The following CAMTA1 variants were observed in gnomAD, a reference collection of about 807,000 sequenced individuals.
The protein encoded by CAMTA1 is calmodulin binding transcription activator 1, also known as calmodulin-binding transcription activator 1.
In CAMTA1, 27 loss-of-function variants were observed where a neutral mutation model predicts 170.9. The observed-to-expected ratio is 0.16, with a 90% confidence interval of 0.12 to 0.22. The LOEUF (loss-of-function observed/expected upper bound fraction) is 0.22, where lower values mean the gene tolerates loss of function less well. Among genes scored for constraint, CAMTA1 ranks in the 10% least tolerant of loss-of-function variants. The pLI is 1.00. For synonymous variants in CAMTA1, 833 were observed against 891.5 expected (o/e 0.93, Z 1.17); for missense variants, 1,619 against 2,217.2 (o/e 0.73, Z 5.42).
intron 5 of CAMTA1, among the ~76,000 whole-genome samples, chr1:7,427,712 C>G (rs1407614171): frequency 6.6e-6 from 1 of 152,194 alleles, no homozygotes; most frequent in African/African-American, 2.4e-5. Flanking sequence ...AGAAAGCTCT[C>G]CCCTGGGATG....
chr1:7,514,129 A>C (rs187307467), intron 6 of CAMTA1, among the ~76,000 whole-genome samples: 76 of 152,300 alleles, frequency 5.0e-4, no homozygotes, highest in Non-Finnish European at 7.6e-4. Context: ...CTATGACAAC[A>C]TCCAAGGAAG....
intron 6 of CAMTA1, among the ~76,000 whole-genome samples, chr1:7,530,966 G>A (rs528318553): frequency 6.6e-6 from 1 of 151,816 alleles, no homozygotes; most frequent in African/African-American, 2.4e-5. Flanking sequence ...ATAGGCATCT[G>A]CCACCATGCC....
chr1:7,686,955 C>A (rs566858414), intron 11 of CAMTA1, among the ~76,000 whole-genome samples: 1 of 152,106 alleles, frequency 6.6e-6, no homozygotes, highest in South Asian at 2.1e-4. Flanking sequence ...AAGCAGCAAA[C>A]CCAAGGGGAT....
At chr1:6,865,351 G>T (rs183928770) in intron 3 of CAMTA1, among the ~76,000 whole-genome samples, 196 of 152,198 alleles carry the variant, frequency 1.3e-3, no homozygotes, top group Admixed American at 2.3e-3. Flanking sequence ...CTGGGAACCT[G>T]GGTCTGCCAG....
intron 3 of CAMTA1, among the ~76,000 whole-genome samples, chr1:6,859,223 G>A (rs1221683650): frequency 6.6e-6 from 1 of 152,050 alleles, no homozygotes; most frequent in South Asian, 2.1e-4. Flanking sequence ...ATATATGTTT[G>A]AGTGTACATA....
intron 5 of CAMTA1, among the ~76,000 whole-genome samples, chr1:7,331,192 TCATGC>T (rs1277365276): frequency 6.6e-6 from 1 of 152,090 alleles, no homozygotes. Context: ...TGAGCCAAGA[TCATGC>T]CATTGCACTC....
intron 3 of CAMTA1, among the ~76,000 whole-genome samples, chr1:6,897,980 C>T (rs1421356509): frequency 3.3e-5 from 5 of 152,162 alleles, no homozygotes; most frequent in African/African-American, 1.2e-4. Context: ...AACTTTTTCT[C>T]TTCTTTGCAG....
chr1:7,007,056 C>T lies in CAMTA1; in HGVS notation c.235-84248C>T, dbSNP rs1484929628. Among the ~76,000 whole-genome samples the T allele has an allele frequency of 5.3e-5, 8 of 150,874 alleles. No individual in the cohort carries two copies. In the East Asian group the frequency reaches 1.4e-3, roughly 26 times the overall value. On this transcript the variant is annotated intron_variant, in intron 3 of 22. Coordinates refer to ENST00000303635, the MANE Select transcript of CAMTA1 (RefSeq NM_015215.4). The surrounding 1 kb of genome is among the most constrained non-coding windows in gnomAD (Gnocchi z 4.5). ...TTTGGATACGGTATTAATAATGTTA[C>T]GGAATGGGCTTTCAGTTTGGCCACA...
chr1:7,553,113 G>A (rs1438666688), intron 6 of CAMTA1, among the ~76,000 whole-genome samples: 1 of 152,198 alleles, frequency 6.6e-6, no homozygotes, highest in African/African-American at 2.4e-5. Context: ...GTGAATGAAC[G>A]AATGAGTGAG....
chr1:7,678,695 CAG>C (rs1313017227), intron 11 of CAMTA1, among the ~76,000 whole-genome samples: 1 of 152,200 alleles, frequency 6.6e-6, no homozygotes, highest in Non-Finnish European at 1.5e-5. Flanking sequence ...GGTGAGCCCA[CAG>C]AGGTGACACT....
Position 7,111,273 on chromosome 1 carries a change from C to T in CAMTA1, c.302+19902C>T, listed in dbSNP as rs562518154. Among the ~76,000 whole-genome samples, 135 of 152,358 alleles carry T rather than the reference C, an allele frequency of 8.9e-4. 6 individuals carry two copies. The South Asian group carries it at 0.028, about 31-fold the overall frequency. ...AACTTGCCAACTTACTTCCCCTTTACCACATAATCTAACATAGCCACAGGT... is the reference window on the plus strand; with the variant it reads ...AACTTGCCAACTTACTTCCCCTTTATCACATAATCTAACATAGCCACAGGT... On this transcript the variant is annotated intron_variant, in intron 4 of 22. Coordinates refer to ENST00000303635, the MANE Select transcript of CAMTA1 (RefSeq NM_015215.4).
At chr1:6,931,610 G>C (rs895872343) in intron 3 of CAMTA1, among the ~76,000 whole-genome samples, 1 of 152,160 alleles carries the variant, frequency 6.6e-6, no homozygotes, top group Non-Finnish European at 1.5e-5. Context: ...CTGTGATGTG[G>C]ATATTACTGT....
Position 7,634,973 on chromosome 1 carries a change from G to A in CAMTA1, c.511-5427G>A, listed in dbSNP as rs991584873. Reference sequence around the variant, plus strand: ...AGGGAGGAGGGATCCCCTCGTCCACGGCTCTTCCAGAAGGCTGTGGAACTT... The same window carrying A: ...AGGGAGGAGGGATCCCCTCGTCCACAGCTCTTCCAGAAGGCTGTGGAACTT... On this transcript the variant is annotated intron_variant, in intron 6 of 22. Transcript: ENST00000303635. The surrounding 1 kb of genome is among the most constrained non-coding windows in gnomAD (Gnocchi z 6.2). Among the ~76,000 whole-genome samples, 3 of 152,116 alleles carry A rather than the reference G, an allele frequency of 2.0e-5. No homozygotes were observed. The highest frequency in any genetic ancestry group is 2.0e-4 in the Admixed American group (3 of 15,280).
At chr1:7,436,907 G>A (rs547390423) in intron 5 of CAMTA1, among the ~76,000 whole-genome samples, 2 of 152,130 alleles carry the variant, frequency 1.3e-5, no homozygotes, top group Admixed American at 6.5e-5. Context: ...TGTGGGTGCC[G>A]GGTACCAAAG....
intron 3 of CAMTA1, among the ~76,000 whole-genome samples, chr1:6,979,353 C>T (rs1470933461): frequency 1.3e-5 from 2 of 152,202 alleles, no homozygotes; most frequent in African/African-American, 2.4e-5. Context: ...TTTGCCCAGT[C>T]AGGGCCATTC....
At chr1:6,790,640 G>A (rs1260016800) in intron 1 of CAMTA1, among the ~76,000 whole-genome samples, 1 of 152,016 alleles carries the variant, frequency 6.6e-6, no homozygotes, top group African/African-American at 2.4e-5. Context: ...AACTGTATGA[G>A]CTGCTGTTAC....
intron 6 of CAMTA1, among the ~76,000 whole-genome samples, chr1:7,554,795 T>C (rs1489589216): frequency 6.6e-6 from 1 of 151,904 alleles, no homozygotes; most frequent in East Asian, 1.9e-4. Flanking sequence ...ACCCCTTATC[T>C]TGGCTTGCTT....
At chr1:7,429,967 GTGTTAATCA>G (rs1421182027) in intron 5 of CAMTA1, among the ~76,000 whole-genome samples, 1 of 152,110 alleles carries the variant, frequency 6.6e-6, no homozygotes, top group Non-Finnish European at 1.5e-5. Context: ...AAGGGGAATG[GTGTTAATCA>G]TGAGAAACCA....
In CAMTA1 at chr1:7,680,453, C is replaced by G. The variant is rs996187956; in HGVS notation, c.2914+2720C>G. Among the ~76,000 whole-genome samples, 7 of 151,822 alleles carry G rather than the reference C, an allele frequency of 4.6e-5. No individual in the cohort carries two copies. The highest frequency in any genetic ancestry group is 1.0e-4 in the Non-Finnish European group (7 of 67,978). On this transcript the variant is annotated intron_variant, in intron 11 of 22. Coordinates refer to ENST00000303635, the MANE Select transcript of CAMTA1 (RefSeq NM_015215.4). The surrounding 1 kb of genome is among the most constrained non-coding windows in gnomAD (Gnocchi z 4.4). ...TGCCGGCGGCGCGCGTGCACACACT[C>G]TCTCCCACGCGCGCGCCCTCCCGCC... is the stretch of plus-strand genomic sequence containing the variant.
Sources: allele counts gnomAD v4.1 joint callset (sites outside exome capture counted in the v4.1 genomes callset), GRCh38; gene constraint gnomAD v4.1.1; non-coding constraint Gnocchi (gnomAD v3.1); transcripts MANE v1.5; gene names NCBI Gene and HGNC (gene_info 2026-07-23, HGNC 2026-07-21).